The following KCTD8 variants were observed in gnomAD, a reference collection of about 807,000 sequenced individuals.
KCTD8 encodes potassium channel tetramerization domain containing 8, also known as BTB/POZ domain-containing protein KCTD8.
A neutral mutation model predicts 31.5 loss-of-function variants in KCTD8; 27 were observed. The observed-to-expected ratio is 0.86, with a 90% CI of 0.63 to 1.18. KCTD8 has a LOEUF of 1.18. Among genes scored for constraint, KCTD8 ranks in the 50% most tolerant of loss-of-function variants. KCTD8 has a pLI of 0.00. For synonymous variants in KCTD8, 290 were observed against 280.0 expected (o/e 1.04, Z -0.36); for missense variants, 658 against 647.7 (o/e 1.02, Z -0.17).
chr4:44,409,463 AGAAGCATGGT>A (rs1419948733), intron 1 of KCTD8, among the ~76,000 whole-genome samples: 1 of 152,168 alleles, frequency 6.6e-6, no homozygotes, highest in African/African-American at 2.4e-5. Context: ...TTGAGCTGGA[AGAAGCATGGT>A]GATGGCCAGG....
At chr4:44,332,302 A>T (rs575120750) in intron 1 of KCTD8, among the ~76,000 whole-genome samples, 5 of 152,088 alleles carry the variant, frequency 3.3e-5, no homozygotes, top group Admixed American at 2.6e-4. Context: ...AGATGACTGG[A>T]TCTGCTCTGT....
chr4:44,274,016 A>G (rs1225473506), intron 1 of KCTD8, among the ~76,000 whole-genome samples: 2 of 151,882 alleles, frequency 1.3e-5, no homozygotes. Flanking sequence ...AAGTCCTGTT[A>G]AGTTTACTTT....
chr4:44,340,572 G>GT (rs1411859260), intron 1 of KCTD8, among the ~76,000 whole-genome samples: 8 of 151,128 alleles, frequency 5.3e-5, no homozygotes, highest in Non-Finnish European at 1.2e-4. Flanking sequence ...GCCTCCCAAA[G>GT]TGCTGGGATT....
chr4:44,262,125 G>A (rs751214187), intron 1 of KCTD8, among the ~76,000 whole-genome samples: 2 of 151,938 alleles, frequency 1.3e-5, no homozygotes, highest in Non-Finnish European at 2.9e-5. Flanking sequence ...TCTGTCAAAC[G>A]GTTTCTCAAG....
intron 1 of KCTD8, among the ~76,000 whole-genome samples, chr4:44,406,328 G>C (rs1720796416): frequency 6.6e-6 from 1 of 152,066 alleles, no homozygotes; most frequent in Non-Finnish European, 1.5e-5. Context: ...CTTTGGCTCT[G>C]TGTCCCCACC....
chr4:44,265,645 A>C (rs1383586347), intron 1 of KCTD8, among the ~76,000 whole-genome samples: 1 of 152,172 alleles, frequency 6.6e-6, no homozygotes, highest in African/African-American at 2.4e-5. Context: ...AAAACTTTGA[A>C]AAAAATGTAG....
chr4:44,353,605 T>A (rs1719270736), intron 1 of KCTD8, among the ~76,000 whole-genome samples: 1 of 152,066 alleles, frequency 6.6e-6, no homozygotes, highest in African/African-American at 2.4e-5. Flanking sequence ...AATTATCACC[T>A]CTTTATCCCC....
At chr4:44,403,672 G>T (rs1015428229) in intron 1 of KCTD8, among the ~76,000 whole-genome samples, 4 of 151,452 alleles carry the variant, frequency 2.6e-5, no homozygotes, top group Non-Finnish European at 5.9e-5. Context: ...ATTAGATTAG[G>T]CCCACTCTAA....
intron 1 of KCTD8, among the ~76,000 whole-genome samples, chr4:44,444,707 G>A (rs1232232318): frequency 6.6e-6 from 1 of 150,708 alleles, no homozygotes; most frequent in Non-Finnish European, 1.5e-5. Context: ...AGATCACACA[G>A]TTGGAAAATA....
chr4:44,277,529 ATCATTCATTCAT>A (rs142273657), intron 1 of KCTD8, among the ~76,000 whole-genome samples: 1 of 151,652 alleles, frequency 6.6e-6, no homozygotes, highest in Non-Finnish European at 1.5e-5. Context: ...CACGGAGTAA[ATCATTCATTCAT>A]TCATTCATTC....
At chr4:44,180,788 A>G (rs1018315168) in intron 1 of KCTD8, among the ~76,000 whole-genome samples, 1 of 152,186 alleles carries the variant, frequency 6.6e-6, no homozygotes, top group Non-Finnish European at 1.5e-5. Context: ...GTTGTCCCCT[A>G]AGTTCTTTTA....
In KCTD8 at chr4:44,235,295, G is replaced by A. The variant is rs187192024; in HGVS notation, c.962-60045C>T. ...GAGTTAAGCAAACAGTTGAAGGTCA[G>A]TCACCCAGCAAGAAAGTAGCAAAAT... On this transcript the variant is annotated intron_variant, in intron 1 of 1. Coordinates refer to ENST00000360029, the MANE Select transcript of KCTD8 (RefSeq NM_198353.3). 6.7e-5 allele frequency among the ~76,000 whole-genome samples: 10 copies of A among 150,186 alleles called. No individual in the cohort carries two copies. In the East Asian group the frequency reaches 2.0e-3, roughly 30 times the overall value.
At chr4:44,262,250 G>A (rs1029407661) in intron 1 of KCTD8, among the ~76,000 whole-genome samples, 1 of 152,026 alleles carries the variant, frequency 6.6e-6, no homozygotes, top group African/African-American at 2.4e-5. Flanking sequence ...CTTGATTACA[G>A]TGGGTCCAAG....
intron 1 of KCTD8, among the ~76,000 whole-genome samples, chr4:44,444,006 T>G (rs1433194515): frequency 6.6e-6 from 1 of 152,126 alleles, no homozygotes; most frequent in African/African-American, 2.4e-5. Flanking sequence ...AAGAATAATA[T>G]AGAATTTAAT....
chr4:44,193,731 C>A (rs920248161), intron 1 of KCTD8, among the ~76,000 whole-genome samples: 5 of 151,528 alleles, frequency 3.3e-5, no homozygotes, highest in African/African-American at 7.3e-5. Context: ...GGGACCGAGG[C>A]TTTTTAACCA....
intron 1 of KCTD8, among the ~76,000 whole-genome samples, chr4:44,352,045 T>C (rs941719495): frequency 6.6e-6 from 1 of 152,132 alleles, no homozygotes; most frequent in Non-Finnish European, 1.5e-5. Context: ...ACTTCTTACC[T>C]GGCCACTACT....
At chr4:44,289,926 G>A (rs1717220508) in intron 1 of KCTD8, among the ~76,000 whole-genome samples, 3 of 152,040 alleles carry the variant, frequency 2.0e-5, no homozygotes, top group Admixed American at 2.0e-4. Context: ...CAAAATAAAA[G>A]CTAACAATAT....
At chr4:44,225,094 T>C (rs372547562) in intron 1 of KCTD8, among the ~76,000 whole-genome samples, 1 of 152,188 alleles carries the variant, frequency 6.6e-6, no homozygotes, top group East Asian at 1.9e-4. Flanking sequence ...TGACGGGCAG[T>C]TAGTGGTCTC....
At chr4:44,316,054 C>A (rs543801250) in intron 1 of KCTD8, among the ~76,000 whole-genome samples, 1 of 152,082 alleles carries the variant, frequency 6.6e-6, no homozygotes, top group Non-Finnish European at 1.5e-5. Flanking sequence ...ACTCCTTTTG[C>A]GGGCTCTTTT....
Sources: gnomAD v4.1 joint callset for allele counts (sites outside exome capture counted in the v4.1 genomes callset) on GRCh38, gnomAD v4.1.1 for gene constraint, MANE v1.5 for transcripts, NCBI Gene and HGNC (gene_info 2026-07-23, HGNC 2026-07-21) for gene names.